ZNF66: variants seen among roughly 807,000 people sequenced by gnomAD.
The protein encoded by ZNF66 is putative zinc finger protein 66.
Under a neutral mutation model 35.2 loss-of-function variants are expected in ZNF66, and 32 were observed. That is an observed-to-expected ratio of 0.91 (90% CI 0.69 to 1.22). The LOEUF (loss-of-function observed/expected upper bound fraction) is 1.22. ZNF66 is among the 50% of genes most tolerant of loss of function. The pLI, the probability that ZNF66 is intolerant of heterozygous loss-of-function variation, is 0.00. For missense variants in ZNF66, 666 were observed against 543.1 expected (o/e 1.23, Z -2.25); for synonymous variants, 231 against 181.3 (o/e 1.27, Z -2.20).
chr19:20,787,544 G>T (rs1032444313), intron 1 of ZNF66, among the ~76,000 whole-genome samples: 8 of 152,298 alleles, frequency 5.3e-5, no homozygotes, highest in African/African-American at 1.4e-4. Flanking sequence ...GGCATTTTCT[G>T]CGTTGTGAGA....
Position 20,797,648 on chromosome 19 carries a change from C to T in ZNF66, c.226+3770C>T, listed in dbSNP as rs557175851. 2.0e-5 allele frequency among the ~76,000 whole-genome samples: 3 copies of T among 151,728 alleles called. No homozygotes were observed. The South Asian group carries it at 6.2e-4, about 32-fold the overall frequency. On this transcript the variant is annotated intron_variant, in intron 3 of 3. Transcript: ENST00000344519. The stretch of plus-strand genomic sequence containing the variant: ...GCGTGATCTTGGCTCACTGTAACCT[C>T]TTCCTCGAGGGCTCAAGTGATTCTT...
intron 3 of ZNF66, among the ~76,000 whole-genome samples, chr19:20,796,639 T>C (rs1001149028): frequency 6.6e-6 from 1 of 152,190 alleles, no homozygotes; most frequent in African/African-American, 2.4e-5. Context: ...ATTATAGCTG[T>C]TTTATTTTGT....
At position 20,807,661 on chromosome 19, in the gene ZNF66, A is replaced by G. The variant is rs1312953675; in HGVS notation, c.*339A>G. 6.6e-6 allele frequency among the ~76,000 whole-genome samples: 1 copy of G among 150,904 alleles called. No individual in the cohort carries two copies. Among genetic ancestry groups the G allele is most frequent in the African/African-American group, 2.4e-5 (1 of 40,972 alleles). ...AATGTGATGATCTCGGATCACTGAA[A>G]CCTCTGCCTCCCGGGTTCAAGCCAT... On this transcript the variant is annotated 3_prime_UTR_variant, in exon 4 of 4. Transcript: ENST00000344519.
chr19:20,806,249 A>T lies in ZNF66; in HGVS notation c.649A>T (p.Thr217Ser), dbSNP rs951087793. 8 of 1,446,442 alleles carry T rather than the reference A, an allele frequency of 5.5e-6. No individual in the cohort carries two copies. The African/African-American group carries it at 9.8e-5, about 18-fold the overall frequency. 89.6% of individuals were successfully genotyped at this position (1,446,442 alleles called of 1,614,324 possible). ...GKAFNRSSHL[T>S]THKIIHTGEK... ...AGCCTTCAACCGGTCCTCACACCTTACTACACATAAGATAATTCATACTGG... is the reference window on the plus strand; with the variant it reads ...AGCCTTCAACCGGTCCTCACACCTTTCTACACATAAGATAATTCATACTGG... The change falls in exon 4 of 4, where the codon ACT (threonine) becomes TCT (serine). Residue 217 changes from threonine to serine, a missense_variant. Physicochemically the swap from Thr to Ser is moderately conservative, Grantham distance 58. Coordinates refer to ENST00000344519, the MANE Select transcript of ZNF66 (RefSeq NM_001355197.2).
rs1483640592 is a variant in ZNF66, at chr19:20,808,860, A to G, written c.*1538A>G. ...AGCTGGATGGAGAATGACTTTGATG[A>G]GTTGAGAGAAGAAGGCTTCAGACGA... On this transcript the variant is annotated 3_prime_UTR_variant, in exon 4 of 4. Coordinates refer to ENST00000344519, the MANE Select transcript of ZNF66 (RefSeq NM_001355197.2). Among the ~76,000 whole-genome samples the G allele has an allele frequency of 6.6e-6, 1 of 152,170 alleles. No individual in the cohort carries two copies. Among genetic ancestry groups the G allele is most frequent in the East Asian group, 1.9e-4 (1 of 5,198 alleles).
chr19:20,780,473 A>T (rs541409717), intron 1 of ZNF66, among the ~76,000 whole-genome samples: 22 of 152,154 alleles, frequency 1.4e-4, no homozygotes, highest in Non-Finnish European at 2.8e-4. Flanking sequence ...CAGAGAGGTT[A>T]TGGGACTAAC....
intron 3 of ZNF66, among the ~76,000 whole-genome samples, chr19:20,803,625 A>G (rs1010220845): frequency 6.6e-6 from 1 of 152,092 alleles, no homozygotes; most frequent in Non-Finnish European, 1.5e-5. Flanking sequence ...TTTCTGCACC[A>G]TTATGATAAT....
intron 3 of ZNF66, chr19:20,794,087 A>C: frequency 1.7e-6 from 1 of 578,262 alleles, no homozygotes; most frequent in Non-Finnish European, 3.1e-6. Flanking sequence ...AATTCTCTAA[A>C]AATTCTACTT....
chr19:20,808,413 C>G lies in ZNF66; in HGVS notation c.*1091C>G, dbSNP rs532479474. 9.8e-4 allele frequency among the ~76,000 whole-genome samples: 149 copies of G among 152,346 alleles called. 1 individual carries two copies. Among genetic ancestry groups the G allele is most frequent in the Middle Eastern group, 3.4e-3 (1 of 294 alleles). On this transcript the variant is annotated 3_prime_UTR_variant, in exon 4 of 4. Coordinates refer to ENST00000344519, the MANE Select transcript of ZNF66 (RefSeq NM_001355197.2). Reference sequence around the variant, plus strand: ...GCAGACTGCCTCCTCAAGTGGGTCTCTGACCCCCGAGCAGCCTAACTGGGA... The same window carrying G: ...GCAGACTGCCTCCTCAAGTGGGTCTGTGACCCCCGAGCAGCCTAACTGGGA...
At chr19:20,781,555 G>A (rs897427478) in intron 1 of ZNF66, among the ~76,000 whole-genome samples, 4 of 151,566 alleles carry the variant, frequency 2.6e-5, no homozygotes, top group African/African-American at 9.7e-5. Flanking sequence ...TGTTGCCCAG[G>A]CTGGAGTGCA....
In ZNF66 at chr19:20,809,142, T is replaced by TA; in HGVS notation, c.*1825dup. On this transcript the variant is annotated 3_prime_UTR_variant, in exon 4 of 4. Coordinates refer to ENST00000344519, the MANE Select transcript of ZNF66 (RefSeq NM_001355197.2). ...GAAGGGAAGTTTAGAGAAAAAAAAT[T>TA]AAAAAGAAACAAAGTCTCCAAGAAA... Among the ~76,000 whole-genome samples, 1 of 149,020 alleles carries TA rather than the reference T, an allele frequency of 6.7e-6. No individual in the cohort carries two copies. The highest frequency in any genetic ancestry group is 1.5e-5 in the Non-Finnish European group (1 of 66,878).
chr19:20,777,783 T>C (rs1266907277), intron 1 of ZNF66, among the ~76,000 whole-genome samples: 7 of 152,002 alleles, frequency 4.6e-5, no homozygotes, highest in Admixed American at 3.9e-4. Context: ...GCGCCACCAC[T>C]CCCAGCTAGT....
rs1221680470 is a variant in ZNF66, at chr19:20,809,665, G to C, written c.*2343G>C. On this transcript the variant is annotated 3_prime_UTR_variant, in exon 4 of 4. Coordinates refer to ENST00000344519, the MANE Select transcript of ZNF66 (RefSeq NM_001355197.2). ...TGTCACCACCAGGCCTGCCCTAAAA[G>C]AGCTCCTGAAGGAAGCACTAAACAT... Among the ~76,000 whole-genome samples the C allele has an allele frequency of 2.6e-5, 4 of 151,738 alleles. No individual in the cohort carries two copies. Among genetic ancestry groups the C allele is most frequent in the Non-Finnish European group, 5.9e-5 (4 of 67,978 alleles).
At chr19:20,785,158 T>C (rs942914878) in intron 1 of ZNF66, 4 of 152,238 alleles carry the variant, frequency 2.6e-5, no homozygotes, top group African/African-American at 9.7e-5. Context: ...GGCCTCACTC[T>C]CTGTTGTGAC....
At position 20,798,223 on chromosome 19, in the gene ZNF66, A is replaced by AT. The variant is rs903764471; in HGVS notation, c.226+4354dup. ...AAGGTAATTTTCAAAAAAATATGTA[A>AT]TTTTTTTTTCAGTTTTTCTTTAAAA... On this transcript the variant is annotated intron_variant, in intron 3 of 3. Coordinates refer to ENST00000344519, the MANE Select transcript of ZNF66 (RefSeq NM_001355197.2). 8.6e-5 allele frequency among the ~76,000 whole-genome samples: 13 copies of AT among 150,842 alleles called. 1 individual carries two copies. Among genetic ancestry groups the AT allele is most frequent in the Admixed American group, 4.6e-4 (7 of 15,078 alleles).
chr19:20,796,685 C>G (rs1971395517), intron 3 of ZNF66, among the ~76,000 whole-genome samples: 1 of 152,082 alleles, frequency 6.6e-6, no homozygotes, highest in African/African-American at 2.4e-5. Flanking sequence ...TTAAAAGTAA[C>G]TAGTTTCCTT....
rs1971560960 is a variant in ZNF66 at position 20,809,170 on chromosome 19, T to C, written c.*1848T>C. Among the ~76,000 whole-genome samples the C allele has an allele frequency of 1.3e-5, 2 of 152,066 alleles. No individual in the cohort carries two copies. Among genetic ancestry groups the C allele is most frequent in the South Asian group, 4.1e-4 (2 of 4,820 alleles). The stretch of plus-strand genomic sequence containing the variant: ...AAAGAAACAAAGTCTCCAAGAAATA[T>C]GGGACTATGTGAAAAGACCAAATCT... On this transcript the variant is annotated 3_prime_UTR_variant, in exon 4 of 4. Coordinates refer to ENST00000344519, the MANE Select transcript of ZNF66 (RefSeq NM_001355197.2).
chr19:20,800,705 A>G (rs1971440036), intron 3 of ZNF66, among the ~76,000 whole-genome samples: 1 of 152,160 alleles, frequency 6.6e-6, no homozygotes, highest in South Asian at 2.1e-4. Context: ...CCATGATTTT[A>G]AGCTTCCTGA....
At chr19:20,799,057 C>CTTTTTT (rs202208467) in intron 3 of ZNF66, 1 of 118,494 alleles carries the variant, frequency 8.4e-6, no homozygotes, top group Non-Finnish European at 1.8e-5. Flanking sequence ...CTTTCTTTTT[C>CTTTTTT]TTTCTTTCTT....
Sources: allele counts gnomAD v4.1 joint callset (sites outside exome capture counted in the v4.1 genomes callset), GRCh38; gene constraint gnomAD v4.1.1; transcripts MANE v1.5; gene names NCBI Gene and HGNC (gene_info 2026-07-23, HGNC 2026-07-21).